ENOX1: variants seen among roughly 807,000 people sequenced by gnomAD.
The protein encoded by ENOX1 is candidate growth-related and time keeping constitutive hydroquinone (NADH) oxidase.
In ENOX1, 42 loss-of-function variants were observed where a neutral mutation model predicts 82.5. The observed-to-expected ratio is 0.51, with a 90% CI of 0.40 to 0.66. The LOEUF (loss-of-function observed/expected upper bound fraction) is 0.66. Among genes scored for constraint, ENOX1 ranks in the 30% least tolerant of loss-of-function variants. The pLI, the probability that ENOX1 is intolerant of heterozygous loss-of-function variation, is 0.00. For synonymous variants in ENOX1, 271 were observed against 282.2 expected (o/e 0.96, Z 0.40); for missense variants, 608 against 811.6 (o/e 0.75, Z 3.05).
chr13:43,574,644 C>T (rs763798080), intron 2 of ENOX1, among the ~76,000 whole-genome samples: 7 of 152,178 alleles, frequency 4.6e-5, no homozygotes, highest in Non-Finnish European at 8.8e-5. Context: ...TTCTAAAACT[C>T]CCACTGCTGA....
At chr13:43,590,602 GT>G (rs1290927568) in intron 2 of ENOX1, among the ~76,000 whole-genome samples, 1 of 98,742 alleles carries the variant, frequency 1.0e-5, no homozygotes, top group Non-Finnish European at 2.1e-5. Flanking sequence ...GTGAAACCTT[GT>G]TTCTACTAAA....
intron 14 of ENOX1, among the ~76,000 whole-genome samples, chr13:43,253,078 G>A (rs191496717): frequency 6.6e-6 from 1 of 152,238 alleles, no homozygotes; most frequent in Admixed American, 6.5e-5. Context: ...CTTATTTTAG[G>A]ATAAGCATTT....
At chr13:43,303,011 A>C (rs755248270) in intron 11 of ENOX1, among the ~76,000 whole-genome samples, 3 of 152,208 alleles carry the variant, frequency 2.0e-5, no homozygotes, top group Non-Finnish European at 4.4e-5. Context: ...CAGAACTCTT[A>C]GTCTTTGTGT....
chr13:43,767,814 G>A (rs572562853), intron 1 of ENOX1, among the ~76,000 whole-genome samples: 10 of 152,304 alleles, frequency 6.6e-5, no homozygotes, highest in Middle Eastern at 6.8e-3. Flanking sequence ...CATAGCAGCC[G>A]GCAGGAGCCT....
rs954906083 is a variant in ENOX1, at chr13:43,594,440, T to G, written c.-219+73039A>C. Among the ~76,000 whole-genome samples the G allele has an allele frequency of 5.2e-4, 79 of 152,380 alleles. 1 individual carries two copies. Among genetic ancestry groups the G allele is most frequent in the African/African-American group, 1.8e-3 (75 of 41,598 alleles). ...TTACAGGCAATGTAGCAACAATTCC[T>G]GAATTATTCTTTTGTTTACTTAGCA... On this transcript the variant is annotated intron_variant, in intron 2 of 16. Coordinates refer to ENST00000690772, the MANE Select transcript of ENOX1 (RefSeq NM_001347969.2).
chr13:43,509,569 G>C (rs1438585681), intron 2 of ENOX1, among the ~76,000 whole-genome samples: 2 of 152,056 alleles, frequency 1.3e-5, no homozygotes, highest in South Asian at 4.1e-4. Context: ...GCACGAACTG[G>C]ACTTTCTAAG....
intron 2 of ENOX1, among the ~76,000 whole-genome samples, chr13:43,504,867 T>C (rs964829080): frequency 6.6e-6 from 1 of 151,660 alleles, no homozygotes; most frequent in Non-Finnish European, 1.5e-5. Context: ...AATATGTTTA[T>C]GGCATAGATT....
intron 2 of ENOX1, among the ~76,000 whole-genome samples, chr13:43,567,390 C>T (rs367721020): frequency 1.4e-4 from 22 of 152,200 alleles, no homozygotes; most frequent in African/African-American, 5.1e-4. Flanking sequence ...CCAGTGAGTT[C>T]TATCACTCTC....
chr13:43,767,087 T>C (rs1951321216), intron 1 of ENOX1, among the ~76,000 whole-genome samples: 1 of 152,190 alleles, frequency 6.6e-6, no homozygotes, highest in African/African-American at 2.4e-5. Context: ...TTTTAACACA[T>C]GAAGGATACG....
At chr13:43,382,761 T>A (rs565333254) in intron 5 of ENOX1, among the ~76,000 whole-genome samples, 1 of 152,296 alleles carries the variant, frequency 6.6e-6, no homozygotes, top group Admixed American at 6.5e-5. Context: ...AATTGTAGAA[T>A]TTAAATATGT....
At chr13:43,326,326 A>G in intron 10 of ENOX1, 93 bp downstream of exon 10, 8 of 1,018,988 alleles carry the variant, frequency 7.9e-6, no homozygotes, top group Non-Finnish European at 1.2e-5. Flanking sequence ...CGGACTGCCC[A>G]CTATAACAGA....
rs1479607956 is a variant in ENOX1, at chr13:43,571,884, A to AGCGGTGGG, written c.-218-87740_-218-87733dup. 3.3e-5 allele frequency among the ~76,000 whole-genome samples: 5 copies of AGCGGTGGG among 152,152 alleles called. No homozygotes were observed. In the South Asian group the frequency reaches 1.0e-3, roughly 32 times the overall value. On this transcript the variant is annotated intron_variant, in intron 2 of 16. Transcript: ENST00000690772. ...ATTGTGTGTGTGTATATATCAGACA[A>AGCGGTGGG]GCGGTGGGGCGGTGGGGGTGGTGCA...
At chr13:43,654,290 A>G (rs779938184) in intron 2 of ENOX1, among the ~76,000 whole-genome samples, 3 of 152,160 alleles carry the variant, frequency 2.0e-5, no homozygotes, top group African/African-American at 4.8e-5. Flanking sequence ...AACTTGCCCT[A>G]CGTATTTCAT....
chr13:43,748,277 A>T (rs896908782), intron 1 of ENOX1, among the ~76,000 whole-genome samples: 4 of 152,232 alleles, frequency 2.6e-5, no homozygotes, highest in African/African-American at 9.6e-5. Context: ...AGCACTAAAA[A>T]GGCTAAGAAG....
At chr13:43,474,609 G>A (rs903606572) in intron 3 of ENOX1, among the ~76,000 whole-genome samples, 4 of 152,076 alleles carry the variant, frequency 2.6e-5, no homozygotes, top group African/African-American at 7.2e-5. Flanking sequence ...TATTTGAAAC[G>A]AAGTTGCTGA....
chr13:43,467,729 T>C (rs974172202), intron 3 of ENOX1, among the ~76,000 whole-genome samples: 31 of 152,184 alleles, frequency 2.0e-4, no homozygotes, highest in African/African-American at 6.8e-4. Flanking sequence ...AAGAAACTAT[T>C]GCCTAATCCA....
At chr13:43,733,648 A>G (rs1442481334) in intron 1 of ENOX1, among the ~76,000 whole-genome samples, 1 of 152,174 alleles carries the variant, frequency 6.6e-6, no homozygotes, top group African/African-American at 2.4e-5. Flanking sequence ...GCTGATCTTC[A>G]GGTTCAATCC....
chr13:43,661,981 G>T (rs1284870118), intron 2 of ENOX1, among the ~76,000 whole-genome samples: 1 of 110,988 alleles, frequency 9.0e-6, no homozygotes, highest in Non-Finnish European at 1.9e-5. Flanking sequence ...TCTTCTGCAA[G>T]AACAACAGAT....
At chr13:43,492,633 C>T (rs1217047196) in intron 2 of ENOX1, among the ~76,000 whole-genome samples, 1 of 152,180 alleles carries the variant, frequency 6.6e-6, no homozygotes, top group Non-Finnish European at 1.5e-5. Context: ...TCATTGCAAA[C>T]CGGTCAAATA....
Sources: allele counts gnomAD v4.1 joint callset (sites outside exome capture counted in the v4.1 genomes callset), GRCh38; gene constraint gnomAD v4.1.1; transcripts MANE v1.5; gene names NCBI Gene and HGNC (gene_info 2026-07-23, HGNC 2026-07-21).